SPRTN: variants seen among roughly 807,000 people sequenced by gnomAD.
SPRTN encodes the protein SprT-like N-terminal domain.
A neutral mutation model predicts 31.9 loss-of-function variants in SPRTN; 11 were observed. That is an observed-to-expected ratio of 0.34 (90% CI 0.22 to 0.57). The LOEUF is 0.57. Ranked by LOEUF, SPRTN falls within the 20% of genes least tolerant of loss-of-function variation. The pLI is 0.86. For missense variants in SPRTN, 482 were observed against 590.1 expected, an observed-to-expected ratio of 0.82 and a Z score of 1.90; for synonymous variants, 185 against 212.1, an observed-to-expected ratio of 0.87 and a Z score of 1.11.
At chr1:231,344,984 GTTTCT>G (rs1438217370) in intron 2 of SPRTN, among the ~76,000 whole-genome samples, 1 of 151,908 alleles carries the variant, frequency 6.6e-6, no homozygotes, top group Non-Finnish European at 1.5e-5. Flanking sequence ...GGAGCTGTTA[GTTTCT>G]TTTCATTTTT....
At chr1:231,348,611 C>G (rs1011964666) in intron 3 of SPRTN, among the ~76,000 whole-genome samples, 4 of 152,206 alleles carry the variant, frequency 2.6e-5, no homozygotes, top group African/African-American at 2.4e-5. Flanking sequence ...TGCCTGTGTC[C>G]TGTCTCTTTA....
intron 1 of SPRTN, among the ~76,000 whole-genome samples, chr1:231,339,273 T>C (rs1335250452): frequency 1.3e-5 from 2 of 152,266 alleles, no homozygotes; most frequent in African/African-American, 4.8e-5. Flanking sequence ...CAATTTCCTT[T>C]ATACAGGCGT....
In SPRTN at chr1:231,339,663, C is replaced by A. The variant is rs541038859; in HGVS notation, c.222-106C>A. 5 of 1,128,296 alleles carry A rather than the reference C, an allele frequency of 4.4e-6. No individual in the cohort carries two copies. The South Asian group carries it at 6.4e-5, about 14-fold the overall frequency. The allele number at this position is 1,128,296 out of a possible 1,614,324, so 69.9% of individuals were successfully genotyped here. A position where few individuals can be genotyped will look rare whatever the true frequency, so the allele number is the denominator to read the frequency against. ...CTGCTAACCAAGGGGGGTATACTTT[C>A]ATGAAAGCCATCTGCCAACTGAGTT... On this transcript the variant is annotated intron_variant, in intron 1 of 4. Transcript: ENST00000295050.
At position 231,352,853 on chromosome 1, in the gene SPRTN, G is replaced by T. The variant is rs757430653; in HGVS notation, c.962G>T (p.Ser321Ile). ...KNSHLVSPAV[S>I]NSHQNVLSNY... ...TCTCATCTGGTCTCCCCTGCTGTTA[G>T]TAACAGTCACCAAAATGTTCTAAGC... The change falls in exon 5 of 5, where the codon AGT becomes ATT. Residue 321 changes from serine to isoleucine, a missense_variant. Physicochemically the swap from Ser to Ile is moderately radical, Grantham distance 142 (BLOSUM62 -2). Transcript: ENST00000295050. 17 of 1,613,952 alleles carry T rather than the reference G, an allele frequency of 1.1e-5. No homozygotes were observed. Among genetic ancestry groups the T allele is most frequent in the Non-Finnish European group, 1.3e-5 (15 of 1,179,978 alleles).
At chr1:231,345,094 G>T (rs935393219) in intron 2 of SPRTN, among the ~76,000 whole-genome samples, 7 of 151,424 alleles carry the variant, frequency 4.6e-5, no homozygotes, top group South Asian at 2.1e-4. Context: ...TCTGTACTTT[G>T]TCTTTTTCTT....
intron 2 of SPRTN, chr1:231,344,700 A>G (rs1265576284): frequency 3.1e-6 from 1 of 323,126 alleles, no homozygotes; most frequent in Non-Finnish European, 6.7e-6. Context: ...AAAATTATGG[A>G]GGATCATGAA....
chr1:231,351,628 A>G lies in SPRTN; in HGVS notation c.718+57A>G, dbSNP rs547681175. The G allele has an allele frequency of 9.5e-6, 15 of 1,580,840 alleles. No homozygotes were observed. The South Asian group carries it at 1.3e-4, about 14-fold the overall frequency. The stretch of plus-strand genomic sequence containing the variant: ...GTGACCATAGCTATGATGTAAAGAC[A>G]ATACTGTCCTTCAGAGAACTGGTAT... On this transcript the variant is annotated intron_variant, in intron 4 of 4. Transcript: ENST00000295050.
At chr1:231,339,535 G>T in intron 1 of SPRTN, 3 of 720,752 alleles carry the variant, frequency 4.2e-6, no homozygotes, top group Admixed American at 4.1e-5. Context: ...CAAGCAGGGT[G>T]GTGAGAGCAC....
chr1:231,338,556 G>C lies in SPRTN; in HGVS notation c.173G>C (p.Trp58Ser). ...LFVQFNDQFF[W>S]GQLEAVEVKW... ...GTTCAGTTTAACGACCAATTCTTCT[G>C]GGGCCAGCTGGAGGCCGTCGAGGTG... is the stretch of plus-strand genomic sequence containing the variant. The change falls in exon 1 of 5, where the codon TGG (tryptophan) becomes TCG (serine). Residue 58 changes from tryptophan to serine, a missense_variant. Trp to Ser is a radical substitution (Grantham distance 177). Around this residue, in one of 2 missense-constraint regions of SPRTN, gnomAD observed 157 missense variants for 239.9 expected, o/e 0.65. Transcript: ENST00000295050. The C allele has an allele frequency of 1.2e-6, 2 of 1,614,238 alleles. No individual in the cohort carries two copies. The highest frequency in any genetic ancestry group is 1.7e-6 in the Non-Finnish European group (2 of 1,180,046).
At position 231,352,592 on chromosome 1, in the gene SPRTN, T is replaced by A. The variant is rs758042193; in HGVS notation, c.719-18T>A. ...AGTTGAGGCACTTACATAACAATCT[T>A]CTTTGCTTTTTTGGCAGATAAACCC... On this transcript the variant is annotated intron_variant, in intron 4 of 4. Transcript: ENST00000295050. 1 of 1,544,746 alleles carries A rather than the reference T, an allele frequency of 6.5e-7. No individual in the cohort carries two copies. The highest frequency in any genetic ancestry group is 1.3e-5 in the South Asian group (1 of 78,796).
At chr1:231,350,208 TAGTG>T (rs1437011493) in intron 3 of SPRTN, among the ~76,000 whole-genome samples, 1 of 152,368 alleles carries the variant, frequency 6.6e-6, no homozygotes, top group East Asian at 1.9e-4. Context: ...GATGGAGCGA[TAGTG>T]AGTTTAAAAC....
Position 231,353,971 on chromosome 1 carries a change from T to C in SPRTN, c.*610T>C. On this transcript the variant is annotated 3_prime_UTR_variant, in exon 5 of 5. Transcript: ENST00000295050. ...GCAGCAGATTTTAAGTTAAAGAATA[T>C]GGAATATAGTAAAATAAGTAAATTT... The C allele has an allele frequency of 1.1e-6, 1 of 927,682 alleles. No homozygotes were observed. The highest frequency in any genetic ancestry group is 1.3e-6 in the Non-Finnish European group (1 of 777,286). The allele number at this position is 927,682 out of a possible 1,614,324, so 57.5% of individuals were successfully genotyped here.
chr1:231,346,556 G>A (rs1687070288), intron 2 of SPRTN, among the ~76,000 whole-genome samples: 1 of 151,906 alleles, frequency 6.6e-6, no homozygotes, highest in South Asian at 2.1e-4. Flanking sequence ...TTGACATTAG[G>A]AGCTCCTTGT....
intron 3 of SPRTN, among the ~76,000 whole-genome samples, chr1:231,348,873 GGATA>G (rs1418071874): frequency 1.3e-5 from 2 of 152,120 alleles, no homozygotes; most frequent in African/African-American, 2.4e-5. Flanking sequence ...AATATTAATA[GGATA>G]GATTAAATTC....
Position 231,352,883 on chromosome 1 carries a change from A to C in SPRTN, c.992A>C (p.Tyr331Ser), listed in dbSNP as rs781738680. The change falls in exon 5 of 5, where the codon TAC becomes TCC. Residue 331 changes from tyrosine (Y) to serine (S), a missense_variant. Physicochemically the swap from Tyr to Ser is moderately radical, Grantham distance 144. Transcript: ENST00000295050. ...SNSHQNVLSN[Y>S]FPRVSFANQK... Reference sequence around the variant, plus strand: ...AGTCACCAAAATGTTCTAAGCAACTACTTTCCTAGAGTATCATTTGCCAAC... The same window carrying C: ...AGTCACCAAAATGTTCTAAGCAACTCCTTTCCTAGAGTATCATTTGCCAAC... 1.4e-5 allele frequency: 22 copies of C among 1,613,992 alleles called. No individual in the cohort carries two copies. Among genetic ancestry groups the C allele is most frequent in the African/African-American group, 2.7e-5 (2 of 74,928 alleles).
intron 2 of SPRTN, among the ~76,000 whole-genome samples, chr1:231,341,128 G>A (rs7414807): frequency 0.6 from 90,257 of 151,280 alleles, 27,149 homozygotes; most frequent in Middle Eastern, 0.64. Context: ...CAAAATATCA[G>A]TTAAATGTAA....
chr1:231,347,973 A>G lies in SPRTN; in HGVS notation c.450+48A>G, dbSNP rs779507874. 11 of 1,577,928 alleles carry G rather than the reference A, an allele frequency of 7.0e-6. No homozygotes were observed. The Admixed American group carries it at 9.8e-5, about 14-fold the overall frequency. Reference sequence around the variant, plus strand: ...ATGATGTTTAGTAGTTGTTTATTCAATAACTCCTGAGATTTAATTAAAAGT... The same window carrying G: ...ATGATGTTTAGTAGTTGTTTATTCAGTAACTCCTGAGATTTAATTAAAAGT... On this transcript the variant is annotated intron_variant, in intron 3 of 4. Coordinates refer to ENST00000295050, the MANE Select transcript of SPRTN (RefSeq NM_032018.7).
Position 231,352,696 on chromosome 1 carries a change from C to T in SPRTN, c.805C>T (p.Pro269Ser), listed in dbSNP as rs1687275432. ...AGGAGAAACAAGCAATTTACCTTCA[C>T]CTGGGAAACTGATCACTTCACATGC... ...VLGETSNLPS[P>S]GKLITSHAIN... is the part of the protein sequence containing the mutation. Residue 269 changes from proline to serine, a missense_variant, in exon 5 of 5, where the codon CCT becomes TCT. Physicochemically the swap from Pro to Ser is moderately conservative, Grantham distance 74. Around this residue, in one of 2 missense-constraint regions of SPRTN, gnomAD observed 325 missense variants for 350.2 expected, o/e 0.93. Coordinates refer to ENST00000295050, the MANE Select transcript of SPRTN (RefSeq NM_032018.7). 1.2e-6 allele frequency: 2 copies of T among 1,613,994 alleles called. No homozygotes were observed. Among genetic ancestry groups the T allele is most frequent in the Non-Finnish European group, 1.7e-6 (2 of 1,179,944 alleles).
chr1:231,351,945 A>G (rs1421374237), intron 4 of SPRTN: 9 of 1,014,448 alleles, frequency 8.9e-6, no homozygotes, highest in Non-Finnish European at 1.1e-5. Flanking sequence ...GTCAAAATAA[A>G]AACAATAATT....
Sources: gnomAD v4.1 joint callset for allele counts (sites outside exome capture counted in the v4.1 genomes callset) on GRCh38, gnomAD v4.1.1 for gene constraint, gnomAD v4.1.1 regional missense constraint, MANE v1.5 for transcripts, NCBI Gene and HGNC (gene_info 2026-07-23, HGNC 2026-07-21) for gene names.